The following PBX3 variants were observed in gnomAD, a reference collection of about 807,000 sequenced individuals.
The protein encoded by PBX3 is PBX homeobox 3.
In PBX3, 14 loss-of-function variants were observed where a neutral mutation model predicts 48.5. The ratio of observed to expected loss-of-function variants is 0.29; its 90% CI spans 0.19 to 0.45. The LOEUF (loss-of-function observed/expected upper bound fraction) is 0.45. PBX3 is among the 20% of genes least tolerant of loss of function. The pLI, the probability that PBX3 is intolerant of heterozygous loss-of-function variation, is 1.00. For synonymous variants in PBX3, 210 were observed against 200.3 expected (o/e 1.05, Z -0.41); for missense variants, 386 against 546.7 (o/e 0.71, Z 2.93).
intron 2 of PBX3, among the ~76,000 whole-genome samples, chr9:125,752,411 C>T (rs1052147506): frequency 6.6e-6 from 1 of 152,138 alleles, no homozygotes; most frequent in African/African-American, 2.4e-5. Flanking sequence ...AAGGAACCCT[C>T]CCTAGAAAGA....
At chr9:125,782,742 C>G (rs185161011) in intron 2 of PBX3, among the ~76,000 whole-genome samples, 8 of 152,282 alleles carry the variant, frequency 5.3e-5, no homozygotes, top group Admixed American at 4.6e-4. Context: ...GTAGGTAGGT[C>G]TACTAACAGT....
chr9:125,888,447 T>A (rs1196807909), intron 2 of PBX3, among the ~76,000 whole-genome samples: 2 of 152,192 alleles, frequency 1.3e-5, no homozygotes, highest in African/African-American at 2.4e-5. Context: ...TTGAGAACAT[T>A]CAGGATTAAG....
At chr9:125,964,657 G>A (rs1198473453) in intron 8 of PBX3, among the ~76,000 whole-genome samples, 1 of 152,088 alleles carries the variant, frequency 6.6e-6, no homozygotes, top group African/African-American at 2.4e-5. Flanking sequence ...TGCTTTGCAT[G>A]CCAACTCTGC....
chr9:125,907,815 G>A (rs10987020), intron 2 of PBX3, among the ~76,000 whole-genome samples: 3,249 of 152,144 alleles, frequency 0.021, 175 homozygotes, highest in East Asian at 0.17. Context: ...AGAGAGACCC[G>A]TGTTTAAATC....
intron 2 of PBX3, among the ~76,000 whole-genome samples, chr9:125,876,908 C>T (rs1840266723): frequency 6.6e-6 from 1 of 151,666 alleles, no homozygotes; most frequent in East Asian, 1.9e-4. Flanking sequence ...CCTCAGCCTC[C>T]CAGGTAGCTG....
intron 2 of PBX3, among the ~76,000 whole-genome samples, chr9:125,902,076 TGTG>T (rs1257534898): frequency 1.3e-5 from 2 of 151,188 alleles, no homozygotes; most frequent in Non-Finnish European, 3.0e-5. Flanking sequence ...TAAAACAACT[TGTG>T]GTTTTTTTTT....
intron 2 of PBX3, among the ~76,000 whole-genome samples, chr9:125,848,699 G>A (rs1314310351): frequency 1.3e-5 from 2 of 151,974 alleles, no homozygotes; most frequent in South Asian, 2.1e-4. Context: ...TTTACTGAGT[G>A]CCTAATATTT....
chr9:125,959,650 C>T (rs1006895198), intron 5 of PBX3, among the ~76,000 whole-genome samples: 20 of 152,170 alleles, frequency 1.3e-4, no homozygotes, highest in Non-Finnish European at 7.3e-5. Context: ...TCTTCAGGGC[C>T]CCTATGAATA....
chr9:125,856,090 G>C (rs998394479), intron 2 of PBX3, among the ~76,000 whole-genome samples: 3 of 151,912 alleles, frequency 2.0e-5, no homozygotes, highest in Admixed American at 6.6e-5. Flanking sequence ...ATATTTTAAT[G>C]CTTAGTGCAT....
intron 3 of PBX3, among the ~76,000 whole-genome samples, chr9:125,923,988 C>G (rs548905501): frequency 6.6e-6 from 1 of 151,950 alleles, no homozygotes; most frequent in East Asian, 1.9e-4. Flanking sequence ...CCCCAACCCC[C>G]CTAGTAGCTG....
At chr9:125,950,418 C>G (rs1274246828) in intron 5 of PBX3, among the ~76,000 whole-genome samples, 1 of 151,826 alleles carries the variant, frequency 6.6e-6, no homozygotes, top group East Asian at 1.9e-4. Context: ...TTCGGTTCTC[C>G]CATTAAAAGT....
chr9:125,833,862 T>G (rs1431800406), intron 2 of PBX3, among the ~76,000 whole-genome samples: 1 of 152,218 alleles, frequency 6.6e-6, no homozygotes, highest in African/African-American at 2.4e-5. Flanking sequence ...GGTATATACC[T>G]TGGAATGGGA....
At chr9:125,794,001 A>G (rs1367018318) in intron 2 of PBX3, among the ~76,000 whole-genome samples, 1 of 152,224 alleles carries the variant, frequency 6.6e-6, no homozygotes. Context: ...AATTTGTGTG[A>G]TAACATTTTT....
At chr9:125,802,609 T>G (rs1396511765) in intron 2 of PBX3, among the ~76,000 whole-genome samples, 1 of 152,028 alleles carries the variant, frequency 6.6e-6, no homozygotes, top group East Asian at 1.9e-4. Flanking sequence ...GTTCAAGCCA[T>G]CCGCCTGCTC....
rs574521625 is a variant in PBX3, at chr9:125,810,517, C to T, written c.274+61894C>T. On this transcript the variant is annotated intron_variant, in intron 2 of 8. Coordinates refer to ENST00000373489, the MANE Select transcript of PBX3 (RefSeq NM_006195.6). Reference sequence around the variant, plus strand: ...TCATTCTGACTCTCCATGATTTCCACTTCTAAATGTCTTCTTGTGTTGAGT... The same window carrying T: ...TCATTCTGACTCTCCATGATTTCCATTTCTAAATGTCTTCTTGTGTTGAGT... 2.0e-5 allele frequency among the ~76,000 whole-genome samples: 3 copies of T among 152,140 alleles called. No homozygotes were observed. In the South Asian group the frequency reaches 6.2e-4, roughly 32 times the overall value.
In PBX3 at chr9:125,748,533, C is replaced by T. The variant is rs1293673107; in HGVS notation, c.201-17C>T. 5.6e-6 allele frequency: 9 copies of T among 1,612,622 alleles called. No homozygotes were observed. Among genetic ancestry groups the T allele is most frequent in the Admixed American group, 5.0e-5 (3 of 59,994 alleles). On this transcript the variant is annotated splice_polypyrimidine_tract_variant and intron_variant, in intron 1 of 8. Coordinates refer to ENST00000373489, the MANE Select transcript of PBX3 (RefSeq NM_006195.6). ...AGGTGATGCTAATACCTTTGTGTTTCGTTATTTGTTTTTTAGGAAACATGC... is the reference window on the plus strand; with the variant it reads ...AGGTGATGCTAATACCTTTGTGTTTTGTTATTTGTTTTTTAGGAAACATGC...
intron 3 of PBX3, among the ~76,000 whole-genome samples, chr9:125,927,893 G>T (rs2132506255): frequency 6.6e-6 from 1 of 152,074 alleles, no homozygotes; most frequent in South Asian, 2.1e-4. Flanking sequence ...TTAAAAATTA[G>T]CTGGGGGCCA....
chr9:125,873,428 C>G (rs1276836819), intron 2 of PBX3, among the ~76,000 whole-genome samples: 1 of 152,016 alleles, frequency 6.6e-6, no homozygotes, highest in Non-Finnish European at 1.5e-5. Context: ...TGTAGGAACA[C>G]TGAAAAAAAC....
At chr9:125,952,806 TA>T in intron 5 of PBX3, among the ~76,000 whole-genome samples, 1 of 152,238 alleles carries the variant, frequency 6.6e-6, no homozygotes, top group African/African-American at 2.4e-5. Context: ...TTTTCTAATT[TA>T]AAAAATCCTA....
Sources: gnomAD v4.1 joint callset for allele counts (sites outside exome capture counted in the v4.1 genomes callset) on GRCh38, gnomAD v4.1.1 for gene constraint, MANE v1.5 for transcripts, NCBI Gene and HGNC (gene_info 2026-07-23, HGNC 2026-07-21) for gene names.